ZNF345: variants seen among roughly 807,000 people sequenced by gnomAD.
The protein encoded by ZNF345 is zinc finger protein 345.
For synonymous variants in ZNF345, 166 were observed against 187.9 expected (o/e 0.88, Z 0.95); for missense variants, 527 against 589.9 (o/e 0.89, Z 1.10).
At chr19:36,882,390 C>G (rs1014819289), downstream of ZNF345, among the ~76,000 whole-genome samples, 1 of 152,094 alleles carries the variant, frequency 6.6e-6, no homozygotes, top group Non-Finnish European at 1.5e-5. Context: ...GCCTCAGCCT[C>G]CTGAGTAGCT....
downstream of ZNF345, among the ~76,000 whole-genome samples, chr19:36,883,410 G>C (rs2146214083): frequency 6.6e-6 from 1 of 152,272 alleles, no homozygotes; most frequent in East Asian, 1.9e-4. Context: ...ATACTTAATT[G>C]TTCCTTGGTG....
intron 2 of ZNF345, among the ~76,000 whole-genome samples, chr19:36,874,568 G>C (rs1402112123): frequency 6.6e-6 from 1 of 151,662 alleles, no homozygotes; most frequent in Non-Finnish European, 1.5e-5. Flanking sequence ...GGAGGCTGAG[G>C]TCGGGAGTTC....
At chr19:36,882,424 C>G (rs1027506612), downstream of ZNF345, among the ~76,000 whole-genome samples, 2 of 151,808 alleles carry the variant, frequency 1.3e-5, no homozygotes, top group Admixed American at 1.3e-4. Flanking sequence ...TGCGCCACCA[C>G]GCCTGGCTAA....
downstream of ZNF345, among the ~76,000 whole-genome samples, chr19:36,882,050 TG>T (rs1204467794): frequency 2.7e-5 from 4 of 149,662 alleles, no homozygotes; most frequent in Non-Finnish European, 5.9e-5. Context: ...TCATTTTACT[TG>T]TTTTTTTTTT....
chr19:36,877,936 C>A lies in ZNF345; in HGVS notation c.1106C>A (p.Pro369His), dbSNP rs1210605464. ...QHHRIHTGEKPYECKECGKAF... is the reference protein window; with the variant it reads ...QHHRIHTGEKHYECKECGKAF... The stretch of plus-strand genomic sequence containing the variant: ...CACAGAATTCATACTGGTGAGAAAC[C>A]CTATGAATGTAAGGAATGTGGGAAG... Residue 369 changes from proline (P) to histidine (H), a missense_variant, in exon 3 of 3, where the codon CCC becomes CAC. By Grantham distance (77) the Pro-to-His change is moderately conservative. Coordinates refer to ENST00000420450, the MANE Select transcript of ZNF345 (RefSeq NM_001242472.2). The A allele has an allele frequency of 1.9e-6, 3 of 1,613,962 alleles. No individual in the cohort carries two copies. In the East Asian group the frequency reaches 6.7e-5, roughly 36 times the overall value.
chr19:36,872,925 ATG>A lies in ZNF345; in HGVS notation c.-46-3859_-46-3858del, dbSNP rs572877648. The stretch of plus-strand genomic sequence containing the variant: ...CTTTTATCCTATTGACGATTTTTAA[ATG>A]GTGATTTTCAGGTTCCTCCGTTTCT... On this transcript the variant is annotated intron_variant, in intron 2 of 2. Transcript: ENST00000420450. Among the ~76,000 whole-genome samples, 1,467 of 152,296 alleles carry A rather than the reference ATG, an allele frequency of 9.6e-3. 10 individuals are homozygous for A. Among genetic ancestry groups the A allele is most frequent in the Non-Finnish European group, 0.014 (980 of 68,018 alleles).
At chr19:36,892,114 T>C (rs1568366785) in intron 3 of ZNF345, 1 of 1,613,998 alleles carries the variant, frequency 6.2e-7, no homozygotes, top group Non-Finnish European at 8.5e-7. Flanking sequence ...TTGAGAAAAA[T>C]ATGAACTACA....
downstream of ZNF345, among the ~76,000 whole-genome samples, chr19:36,879,836 A>G (rs2072957868): frequency 6.6e-6 from 1 of 152,210 alleles, no homozygotes; most frequent in African/African-American, 2.4e-5. Flanking sequence ...TGTGGATTCT[A>G]TAATTGTGCC....
chr19:36,887,272 A>G (rs2073007350), intron 3 of ZNF345, among the ~76,000 whole-genome samples: 1 of 152,212 alleles, frequency 6.6e-6, no homozygotes, highest in Non-Finnish European at 1.5e-5. Context: ...ACTAAATGCA[A>G]TGTGTTCTCC....
intron 3 of ZNF345, chr19:36,891,684 T>G: frequency 1.2e-6 from 2 of 1,613,816 alleles, no homozygotes; most frequent in Non-Finnish European, 1.7e-6. Flanking sequence ...TTCTCTGATG[T>G]TGAATAAGTT....
At chr19:36,888,303 CTA>C (rs1411118417) in intron 3 of ZNF345, 1 of 151,376 alleles carries the variant, frequency 6.6e-6, no homozygotes, top group Non-Finnish European at 1.5e-5. Context: ...GTTTCCTGTT[CTA>C]TCTCCCAACA....
Position 36,892,412 on chromosome 19 carries a change from C to T in ZNF345, c.47-406C>T, listed in dbSNP as rs765481709. The stretch of plus-strand genomic sequence containing the variant: ...GACATGTCTTCACGGGTAATTATTA[C>T]TTGACTGAAATGTCTCTTCTTTAGA... On this transcript the variant is annotated intron_variant, in intron 3 of 3. Coordinates refer to the ZNF345 transcript ENST00000526123. 5 of 1,610,522 alleles carry T rather than the reference C, an allele frequency of 3.1e-6. No homozygotes were observed. The African/African-American group carries it at 5.3e-5, about 17-fold the overall frequency.
At position 36,892,329 on chromosome 19, in the gene ZNF345, T is replaced by C. The variant is rs776211483; in HGVS notation, c.47-489T>C. The C allele has an allele frequency of 5.1e-5, 83 of 1,613,714 alleles. No homozygotes were observed. The Admixed American group carries it at 1.4e-3, about 26-fold the overall frequency. ...TTCCACATATCTTACATTCCCATGG[T>C]TTCTCTTCACTCATAGTTTTTTGAG... On this transcript the variant is annotated intron_variant, in intron 3 of 3. Transcript: ENST00000526123.
In ZNF345 at chr19:36,877,880, C is replaced by G; in HGVS notation, c.1050C>G (p.Thr350=). 1 of 1,613,726 alleles carries G rather than the reference C, an allele frequency of 6.2e-7. No individual in the cohort carries two copies. Among genetic ancestry groups the G allele is most frequent in the Admixed American group, 1.7e-5 (1 of 59,972 alleles). ...ATGAATGTAAGGAATGTGGGAAGAC[C>G]TTTAGTAGTGGTTCAGACCTTACTC... is the stretch of plus-strand genomic sequence containing the variant. ...KPYECKECGK[T]FSSGSDLTQH... is the part of the protein sequence containing the mutation. The change falls in exon 3 of 3, where the codon ACC becomes ACG. Residue 350 remains threonine (T), a synonymous_variant. Coordinates refer to ENST00000420450, the MANE Select transcript of ZNF345 (RefSeq NM_001242472.2).
At position 36,866,045 on chromosome 19, in the gene ZNF345, T is replaced by C. The variant is rs189250006; in HGVS notation, c.-46-10740T>C. Reference sequence around the variant, plus strand: ...TCATAAAGTTTGCTTTTTTAATTATTTTATTCAGTTTGCTAGAGTTTTATT... The same window carrying C: ...TCATAAAGTTTGCTTTTTTAATTATCTTATTCAGTTTGCTAGAGTTTTATT... On this transcript the variant is annotated intron_variant, in intron 2 of 2. Coordinates refer to ENST00000420450, the MANE Select transcript of ZNF345 (RefSeq NM_001242472.2). Among the ~76,000 whole-genome samples the C allele has an allele frequency of 2.6e-5, 4 of 152,314 alleles. No homozygotes were observed. In the East Asian group the frequency reaches 7.7e-4, roughly 29 times the overall value.
At chr19:36,882,222 T>C (rs1197608537), downstream of ZNF345, among the ~76,000 whole-genome samples, 7 of 152,146 alleles carry the variant, frequency 4.6e-5, no homozygotes, top group Admixed American at 4.6e-4. Context: ...ATTGGAAGCA[T>C]TTAAGGCTAC....
chr19:36,862,296 G>A (rs374439453), intron 2 of ZNF345, among the ~76,000 whole-genome samples: 29 of 151,996 alleles, frequency 1.9e-4, no homozygotes, highest in South Asian at 6.3e-4. Flanking sequence ...AGTTCCTACC[G>A]TTTGGCCTTT....
At chr19:36,860,667 T>G (rs2072528212) in intron 2 of ZNF345, among the ~76,000 whole-genome samples, 1 of 152,232 alleles carries the variant, frequency 6.6e-6, no homozygotes, top group East Asian at 1.9e-4. Context: ...TATTGTATCC[T>G]TCTTGCTGCA....
Position 36,856,026 on chromosome 19 carries a change from A to G in ZNF345, c.-47+4122A>G, listed in dbSNP as rs115738486. Among the ~76,000 whole-genome samples, 940 of 152,354 alleles carry G rather than the reference A, an allele frequency of 6.2e-3. 15 individuals are homozygous for G. The highest frequency in any genetic ancestry group is 0.022 in the African/African-American group (904 of 41,582). ...TGTGAGTTTAACCTGTGAAGAAGAG[A>G]TAATAATTTTCTGTCAGTGTCGTCA... On this transcript the variant is annotated intron_variant, in intron 2 of 2. Transcript: ENST00000420450.
Sources: allele counts gnomAD v4.1 joint callset (sites outside exome capture counted in the v4.1 genomes callset), GRCh38; gene constraint gnomAD v4.1.1; transcripts MANE v1.5; gene names NCBI Gene and HGNC (gene_info 2026-07-23, HGNC 2026-07-21).